The following IL23R variants were observed in gnomAD, a reference collection of about 807,000 sequenced individuals.
The protein encoded by IL23R is interleukin-23 receptor.
Under a neutral mutation model 56.9 loss-of-function variants are expected in IL23R, and 34 were observed. The observed-to-expected ratio is 0.60, with a 90% confidence interval of 0.45 to 0.80. The LOEUF (loss-of-function observed/expected upper bound fraction) is 0.80. Ranked by LOEUF, IL23R falls within the 30% of genes least tolerant of loss-of-function variation. The pLI, the probability that IL23R is intolerant of heterozygous loss-of-function variation, is 0.00. For synonymous variants in IL23R, 230 were observed against 249.2 expected (o/e 0.92, Z 0.73); for missense variants, 635 against 730.0 (o/e 0.87, Z 1.50).
chr1:67,230,000 A>G (rs1158604436), intron 7 of IL23R, among the ~76,000 whole-genome samples: 1 of 152,224 alleles, frequency 6.6e-6, no homozygotes, highest in Non-Finnish European at 1.5e-5. Flanking sequence ...ATGGGCATGA[A>G]CAGGATCCGA....
intron 5 of IL23R, among the ~76,000 whole-genome samples, chr1:67,203,024 C>G (rs1474805686): frequency 6.6e-6 from 1 of 152,034 alleles, no homozygotes. Context: ...GTAATATACC[C>G]TTTTCTTACG....
chr1:67,199,603 CT>C (rs1384053909), intron 4 of IL23R, among the ~76,000 whole-genome samples: 2 of 152,048 alleles, frequency 1.3e-5, no homozygotes, highest in African/African-American at 4.8e-5. Context: ...AGAAAAATAA[CT>C]GTTATGTTCA....
intron 9 of IL23R, among the ~76,000 whole-genome samples, chr1:67,248,069 G>A (rs144144464): frequency 2.2e-4 from 34 of 152,050 alleles, no homozygotes; most frequent in Admixed American, 7.9e-4. Context: ...TTTCAACGTC[G>A]GTGTATCTGA....
chr1:67,216,764 C>T (rs538452758), intron 6 of IL23R, among the ~76,000 whole-genome samples: 104 of 152,258 alleles, frequency 6.8e-4, no homozygotes, highest in Middle Eastern at 6.8e-3. Context: ...TTATTCTTTT[C>T]TTGAAAGGGC....
At chr1:67,253,622 A>C (rs1652775007) in intron 9 of IL23R, among the ~76,000 whole-genome samples, 4 of 152,246 alleles carry the variant, frequency 2.6e-5, no homozygotes, top group Admixed American at 2.0e-4. Context: ...CAAAATTTAA[A>C]TTACACATTA....
intron 7 of IL23R, among the ~76,000 whole-genome samples, chr1:67,229,682 A>G (rs576916101): frequency 6.6e-6 from 1 of 152,278 alleles, no homozygotes; most frequent in East Asian, 1.9e-4. Context: ...ATACAAAATG[A>G]CCGTTACCAC....
At chr1:67,143,184 A>T (rs1247217669) in intron 1 of IL23R, among the ~76,000 whole-genome samples, 1 of 152,262 alleles carries the variant, frequency 6.6e-6, no homozygotes, top group East Asian at 1.9e-4. Flanking sequence ...CACATTTTAC[A>T]AGTGGCTAAG....
chr1:67,169,390 C>T lies in IL23R; in HGVS notation c.119C>T (p.Thr40Ile). 6.2e-7 allele frequency: 1 copy of T among 1,613,468 alleles called. No homozygotes were observed. The highest frequency in any genetic ancestry group is 1.1e-5 in the South Asian group (1 of 91,000). Residue 40 changes from threonine to isoleucine, a missense_variant, in exon 3 of 11, where the codon ACA becomes ATA. Coordinates refer to ENST00000347310, the MANE Select transcript of IL23R (RefSeq NM_144701.3). ...GGCCACATCTGGGTAGAACCAGCCA[C>T]AATTTTTAAGATGGGTATGAATATC... ...CSGHIWVEPA[T>I]IFKMGMNISI...
At chr1:67,227,430 C>CTT (rs3052957) in intron 7 of IL23R, among the ~76,000 whole-genome samples, 47,801 of 147,068 alleles carry the variant, frequency 0.33, 8,517 homozygotes, top group East Asian at 0.64. Flanking sequence ...TCATATTACT[C>CTT]TTTTTTTTTT....
intron 9 of IL23R, among the ~76,000 whole-genome samples, chr1:67,250,952 G>C (rs1652565171): frequency 6.6e-6 from 1 of 152,166 alleles, no homozygotes; most frequent in African/African-American, 2.4e-5. Context: ...TTTAATTCTT[G>C]AGGTTCCATG....
chr1:67,219,482 G>A (rs1342436272), intron 6 of IL23R, 92 bp from the exon 7 acceptor site: 3 of 1,218,578 alleles, frequency 2.5e-6, no homozygotes, highest in Non-Finnish European at 3.6e-6. Context: ...AAGACAGCTT[G>A]GAACATAATA....
intron 5 of IL23R, 24 bp from the exon 6 acceptor site, chr1:67,206,886 T>C: frequency 9.5e-7 from 1 of 1,052,262 alleles, no homozygotes; most frequent in Non-Finnish European, 1.3e-6. Context: ...AGCCAGGTCT[T>C]TTTTTTTTTT....
chr1:67,164,439 C>A (rs35300988), upstream of IL23R, among the ~76,000 whole-genome samples: 2,865 of 152,224 alleles, frequency 0.019, 45 homozygotes, highest in Non-Finnish European at 0.03. Context: ...TCAAGACTAG[C>A]CTGACCAACA....
At chr1:67,169,208 C>G (rs1646911773) in intron 2 of IL23R, 134 bp from the exon 3 acceptor site, 1 of 583,982 alleles carries the variant, frequency 1.7e-6, no homozygotes, top group Admixed American at 3.1e-5. Flanking sequence ...AAAGATACAT[C>G]TAGTCCTAAA....
intron 10 of IL23R, among the ~76,000 whole-genome samples, chr1:67,256,251 G>C (rs1008245670): frequency 2.6e-5 from 4 of 152,168 alleles, no homozygotes; most frequent in Non-Finnish European, 5.9e-5. Flanking sequence ...AAAGGGAGTA[G>C]GGAAGAAAAG....
At chr1:67,197,777 C>G (rs1254719397) in intron 4 of IL23R, among the ~76,000 whole-genome samples, 1 of 152,002 alleles carries the variant, frequency 6.6e-6, no homozygotes, top group Non-Finnish European at 1.5e-5. Context: ...AACCCTGTCT[C>G]TACAAAAAAT....
chr1:67,210,321 T>G (rs1649366456), intron 6 of IL23R, among the ~76,000 whole-genome samples: 1 of 152,204 alleles, frequency 6.6e-6, no homozygotes, highest in Non-Finnish European at 1.5e-5. Flanking sequence ...GGAGGAACAC[T>G]AGCCTGATTT....
intron 7 of IL23R, among the ~76,000 whole-genome samples, chr1:67,234,707 CTTTTTT>C (rs5774860): frequency 4.3e-5 from 5 of 117,556 alleles, no homozygotes; most frequent in South Asian, 2.7e-4. Context: ...TATTTTTACT[CTTTTTT>C]TTTTTTTTTT....
Position 67,151,541 on chromosome 1 carries a change from T to C in IL23R, c.-634+12380T>C, listed in dbSNP as rs148032551. Among the ~76,000 whole-genome samples, 1,405 of 152,334 alleles carry C rather than the reference T, an allele frequency of 9.2e-3. 16 individuals carry two copies. Among genetic ancestry groups the C allele is most frequent in the African/African-American group, 0.032 (1,334 of 41,568 alleles). ...TCTTTGCCCATGCCTATGTCCTGAA[T>C]GGTATTGCCTAGGTTTTCTTCTAGG... On this transcript the variant is annotated intron_variant, in intron 1 of 10. Coordinates refer to the IL23R transcript ENST00000637002.
Sources: allele counts gnomAD v4.1 joint callset (sites outside exome capture counted in the v4.1 genomes callset), GRCh38; gene constraint gnomAD v4.1.1; transcripts MANE v1.5; gene names NCBI Gene and HGNC (gene_info 2026-07-23, HGNC 2026-07-21).